TENM4: variants seen among roughly 807,000 people sequenced by gnomAD.
The protein encoded by TENM4 is teneurin-4.
A neutral mutation model predicts 243.3 loss-of-function variants in TENM4; 82 were observed. That is an observed-to-expected ratio of 0.34 (90% confidence interval 0.28 to 0.40). TENM4 has a LOEUF of 0.40. Among genes scored for constraint, TENM4 ranks in the 10% least tolerant of loss-of-function variants. TENM4 has a pLI of 1.00. For synonymous variants in TENM4, 1,412 were observed against 1,456.3 expected, an observed-to-expected ratio of 0.97 and a Z score of 0.69; for missense variants, 3,138 against 3,673.3, an observed-to-expected ratio of 0.85 and a Z score of 3.77.
At chr11:78,697,831 C>G (rs1859004553) in intron 28 of TENM4, among the ~76,000 whole-genome samples, 2 of 152,282 alleles carry the variant, frequency 1.3e-5, no homozygotes, top group South Asian at 4.2e-4. Flanking sequence ...CAAGTCAATT[C>G]TGGAACCTGC....
At chr11:79,223,560 C>A (rs1029310844) in intron 2 of TENM4, among the ~76,000 whole-genome samples, 2 of 152,158 alleles carry the variant, frequency 1.3e-5, no homozygotes, top group Non-Finnish European at 1.5e-5. Context: ...CCTATTGTCA[C>A]TGGGGGAGAA....
chr11:78,895,300 G>A (rs570714749), intron 7 of TENM4, among the ~76,000 whole-genome samples: 2 of 150,696 alleles, frequency 1.3e-5, no homozygotes, highest in African/African-American at 4.9e-5. Flanking sequence ...TTATGCCACT[G>A]CATTCCAGCC....
intron 6 of TENM4, among the ~76,000 whole-genome samples, chr11:79,032,559 G>A (rs144882252): frequency 5.9e-5 from 9 of 152,298 alleles, no homozygotes; most frequent in East Asian, 1.9e-4. Context: ...CATGAATGAC[G>A]TGAAAGCCTT....
intron 2 of TENM4, among the ~76,000 whole-genome samples, chr11:79,220,243 C>T (rs1446345827): frequency 1.3e-5 from 2 of 152,322 alleles, no homozygotes; most frequent in East Asian, 1.9e-4. Context: ...GCTATTAAAA[C>T]TTTGTTTAAG....
At chr11:79,151,011 G>T (rs1862498257) in intron 3 of TENM4, among the ~76,000 whole-genome samples, 1 of 152,058 alleles carries the variant, frequency 6.6e-6, no homozygotes, top group East Asian at 1.9e-4. Context: ...CTACTATGTG[G>T]CAGAACAGGG....
intron 17 of TENM4, among the ~76,000 whole-genome samples, chr11:78,778,115 G>A (rs543970413): frequency 1.3e-5 from 2 of 152,304 alleles, no homozygotes; most frequent in South Asian, 4.1e-4. Flanking sequence ...CTAGTACACA[G>A]TGGGTGCTCC....
intron 7 of TENM4, among the ~76,000 whole-genome samples, chr11:78,900,654 C>A (rs574652774): frequency 2.6e-5 from 4 of 152,268 alleles, no homozygotes; most frequent in South Asian, 2.1e-4. Flanking sequence ...TTGAGAGGCA[C>A]GAATTCTTAT....
At chr11:79,099,836 T>C (rs917522312) in intron 4 of TENM4, among the ~76,000 whole-genome samples, 4 of 152,258 alleles carry the variant, frequency 2.6e-5, no homozygotes, top group African/African-American at 9.6e-5. Flanking sequence ...TGTACCCATC[T>C]ATCTGCCTAG....
At chr11:79,082,159 C>A (rs973981771) in intron 4 of TENM4, among the ~76,000 whole-genome samples, 1 of 152,194 alleles carries the variant, frequency 6.6e-6, no homozygotes, top group African/African-American at 2.4e-5. Context: ...CCATATGCCA[C>A]CTCCATGGTC....
At chr11:79,046,225 G>C (rs984468071) in intron 6 of TENM4, among the ~76,000 whole-genome samples, 3 of 152,226 alleles carry the variant, frequency 2.0e-5, no homozygotes, top group African/African-American at 7.2e-5. Context: ...GTGAGCCAGG[G>C]AGATGGGGAG....
chr11:79,017,846 G>A (rs751645168), intron 6 of TENM4, among the ~76,000 whole-genome samples: 10 of 152,148 alleles, frequency 6.6e-5, no homozygotes, highest in Non-Finnish European at 1.0e-4. Flanking sequence ...GCTCAGAAGG[G>A]CCTCATCCTT....
intron 6 of TENM4, among the ~76,000 whole-genome samples, chr11:78,918,896 C>T (rs769219480): frequency 9.9e-5 from 15 of 152,268 alleles, no homozygotes; most frequent in African/African-American, 2.9e-4. Context: ...CTTCAGAGTC[C>T]GGTTGACATG....
intron 1 of TENM4, among the ~76,000 whole-genome samples, chr11:79,339,723 A>G (rs1332938430): frequency 1.0e-5 from 1 of 96,464 alleles, no homozygotes; most frequent in African/African-American, 4.9e-5. Context: ...CAAGAGAGGG[A>G]AAAAAAATGG....
chr11:78,661,520 T>C lies in TENM4; in HGVS notation c.7480A>G (p.Met2494Val). The change falls in exon 33 of 34, where the codon ATG becomes GTG. Residue 2494 changes from methionine to valine, a missense_variant. Transcript: ENST00000278550. ...TCGTAGGAGGGTTCCATGGCATCCA[T>C]GTCTGGTTTGGGATAACCAGGGATC... Reference protein sequence around the residue: ...NVIPGYPKPDMDAMEPSYELI... With the variant: ...NVIPGYPKPDVDAMEPSYELI... 3 of 1,613,010 alleles carry C rather than the reference T, an allele frequency of 1.9e-6. No individual in the cohort carries two copies. The highest frequency in any genetic ancestry group is 3.3e-4 in the Middle Eastern group (2 of 6,062).
At chr11:79,412,439 C>A (rs1276975300) in intron 1 of TENM4, among the ~76,000 whole-genome samples, 2 of 152,174 alleles carry the variant, frequency 1.3e-5, no homozygotes, top group African/African-American at 4.8e-5. Context: ...CAACCCCATT[C>A]CACACAGAGT....
intron 9 of TENM4, among the ~76,000 whole-genome samples, chr11:78,879,420 C>CTGG (rs1859365111): frequency 6.7e-6 from 1 of 150,346 alleles, no homozygotes. Context: ...GTGCCTCTGC[C>CTGG]CGGCCGCCCC....
chr11:79,099,108 C>T (rs148742515), intron 4 of TENM4, among the ~76,000 whole-genome samples: 36 of 152,264 alleles, frequency 2.4e-4, no homozygotes, highest in African/African-American at 8.2e-4. Flanking sequence ...ATGTTCCTGC[C>T]ACAAGGACCT....
chr11:79,111,410 T>C (rs1324029102), intron 4 of TENM4, among the ~76,000 whole-genome samples: 1 of 152,078 alleles, frequency 6.6e-6, no homozygotes, highest in East Asian at 1.9e-4. Context: ...CTGGGCATGA[T>C]GGCGGGCACC....
intron 1 of TENM4, among the ~76,000 whole-genome samples, chr11:79,347,464 T>C (rs1438200252): frequency 1.3e-5 from 2 of 152,212 alleles, no homozygotes; most frequent in African/African-American, 4.8e-5. Flanking sequence ...GGAGACCCAC[T>C]TGACTCACTT....
Sources: gnomAD v4.1 joint callset for allele counts (sites outside exome capture counted in the v4.1 genomes callset) on GRCh38, gnomAD v4.1.1 for gene constraint, MANE v1.5 for transcripts, NCBI Gene and HGNC (gene_info 2026-07-23, HGNC 2026-07-21) for gene names.